PTGER3: variants seen among roughly 807,000 people sequenced by gnomAD.
PTGER3 encodes the protein prostaglandin E receptor 3.
PTGER3 carries 22 observed loss-of-function variants against 34.7 expected under a neutral mutation model. The ratio of observed to expected loss-of-function variants is 0.63; its 90% CI spans 0.45 to 0.91. The LOEUF (loss-of-function observed/expected upper bound fraction) is 0.91. Among genes scored for constraint, PTGER3 ranks in the 40% least tolerant of loss-of-function variants. The pLI, the probability that PTGER3 is intolerant of heterozygous loss-of-function variation, is 0.00. For missense variants in PTGER3, 468 were observed against 519.4 expected (o/e 0.90, Z 0.96); for synonymous variants, 241 against 230.1 (o/e 1.05, Z -0.43).
intron 4 of PTGER3, among the ~76,000 whole-genome samples, chr1:70,894,373 C>T (rs993207386): frequency 3.5e-5 from 5 of 142,246 alleles, no homozygotes; most frequent in African/African-American, 1.3e-4. Flanking sequence ...AGTTTTGTGA[C>T]AATCATCATT....
chr1:70,903,074 C>T (rs574224914), intron 4 of PTGER3, among the ~76,000 whole-genome samples: 23 of 152,206 alleles, frequency 1.5e-4, no homozygotes, highest in East Asian at 5.8e-4. Flanking sequence ...AAGAAAGCAG[C>T]AGGAGATTTG....
chr1:70,880,731 C>T (rs190681620), intron 4 of PTGER3, among the ~76,000 whole-genome samples: 2 of 152,026 alleles, frequency 1.3e-5, no homozygotes, highest in East Asian at 1.9e-4. Flanking sequence ...AATATAGGCC[C>T]CTAAGTCTCT....
chr1:70,980,838 G>A (rs190186845), intron 2 of PTGER3, among the ~76,000 whole-genome samples: 31 of 152,182 alleles, frequency 2.0e-4, no homozygotes, highest in African/African-American at 5.8e-4. Context: ...ACTACAGGTC[G>A]CCTATTTTGT....
intron 4 of PTGER3, among the ~76,000 whole-genome samples, chr1:70,882,482 C>A (rs1278834880): frequency 6.6e-6 from 1 of 152,214 alleles, no homozygotes; most frequent in African/African-American, 2.4e-5. Context: ...GTAGTGAGCC[C>A]TGTCCAATGA....
At chr1:70,896,291 G>A (rs1250349968) in intron 4 of PTGER3, among the ~76,000 whole-genome samples, 1 of 152,134 alleles carries the variant, frequency 6.6e-6, no homozygotes, top group Non-Finnish European at 1.5e-5. Flanking sequence ...ACATTAGGGT[G>A]GGCCTTAATT....
At chr1:71,004,120 A>G (rs1656730002) in intron 2 of PTGER3, among the ~76,000 whole-genome samples, 1 of 152,210 alleles carries the variant, frequency 6.6e-6, no homozygotes, top group East Asian at 1.9e-4. Context: ...ACAACCTTGT[A>G]TGTTATATTC....
chr1:70,967,236 T>C (rs1037977601), downstream of PTGER3, among the ~76,000 whole-genome samples: 2 of 152,122 alleles, frequency 1.3e-5, no homozygotes, highest in Non-Finnish European at 2.9e-5. Context: ...ACTCACAGTG[T>C]GATATCACCT....
In PTGER3 at chr1:71,047,398, G is replaced by A. The variant is rs375010879; in HGVS notation, c.180C>T (p.Leu60=). Residue 60 remains leucine, a synonymous_variant, in exon 1 of 4, where the codon CTC becomes CTT. Transcript: ENST00000306666. ...CCAGTGCGTTGCCCACGAAACCAGTGAGCAGCATGGTGATCGGGAAGGCCA... is the reference window on the plus strand; with the variant it reads ...CCAGTGCGTTGCCCACGAAACCAGTAAGCAGCATGGTGATCGGGAAGGCCA... ...VSVAFPITML[L]TGFVGNALAM... 1.1e-5 allele frequency: 17 copies of A among 1,611,782 alleles called. No individual in the cohort carries two copies. Among genetic ancestry groups the A allele is most frequent in the Non-Finnish European group, 1.4e-5 (16 of 1,179,660 alleles).
At chr1:70,991,720 G>A (rs1055361245) in intron 2 of PTGER3, among the ~76,000 whole-genome samples, 1 of 152,076 alleles carries the variant, frequency 6.6e-6, no homozygotes, top group African/African-American at 2.4e-5. Flanking sequence ...CATCATTAAG[G>A]CTTAACTGTT....
chr1:71,010,194 A>C (rs1475802042), intron 2 of PTGER3: 1 of 984,726 alleles, frequency 1.0e-6, no homozygotes, highest in Admixed American at 6.2e-5. Context: ...AGTAATGTCC[A>C]CTATCATTTG....
intron 2 of PTGER3, among the ~76,000 whole-genome samples, chr1:71,001,699 T>C (rs1445149462): frequency 6.6e-6 from 1 of 152,138 alleles, no homozygotes; most frequent in Non-Finnish European, 1.5e-5. Context: ...AGATACCACA[T>C]AGAAATATCA....
chr1:71,047,226 G>T lies in PTGER3; in HGVS notation c.352C>A (p.Gln118Lys), dbSNP rs747542088. Residue 118 changes from glutamine (Q) to lysine (K), a missense_variant, in exon 1 of 4, where the codon CAG (glutamine) becomes AAG (lysine). Transcript: ENST00000306666. ...GACGGGTCGATGTGCTCCCAACGCTGCTTGGACAGGTACACGACGATGACG... is the reference window on the plus strand; with the variant it reads ...GACGGGTCGATGTGCTCCCAACGCTTCTTGGACAGGTACACGACGATGACG... ...PVVIVVYLSKQRWEHIDPSGR... is the reference protein window; with the variant it reads ...PVVIVVYLSKKRWEHIDPSGR... 1.9e-6 allele frequency: 3 copies of T among 1,596,896 alleles called. No individual in the cohort carries two copies. The highest frequency in any genetic ancestry group is 4.5e-5 in the East Asian group (2 of 44,082).
At chr1:70,873,874 G>T (rs1046199340) in intron 4 of PTGER3, among the ~76,000 whole-genome samples, 1 of 151,920 alleles carries the variant, frequency 6.6e-6, no homozygotes, top group African/African-American at 2.4e-5. Flanking sequence ...GGGTTTTGGT[G>T]CTTTTAAAAT....
intron 4 of PTGER3, among the ~76,000 whole-genome samples, chr1:70,930,833 G>A (rs987424847): frequency 2.0e-5 from 3 of 152,078 alleles, no homozygotes; most frequent in Admixed American, 2.0e-4. Context: ...TGGGGACAGA[G>A]CCAAACCATA....
intron 4 of PTGER3, among the ~76,000 whole-genome samples, chr1:70,881,159 A>G (rs958775809): frequency 2.6e-5 from 4 of 152,132 alleles, no homozygotes; most frequent in African/African-American, 4.8e-5. Context: ...CAGAGAAGCA[A>G]TCTCTCAAGC....
intron 4 of PTGER3, among the ~76,000 whole-genome samples, chr1:70,905,861 G>A: frequency 6.6e-6 from 1 of 152,086 alleles, no homozygotes; most frequent in East Asian, 1.9e-4. Flanking sequence ...TTTGGGAGGG[G>A]CCAGGAGTGG....
At chr1:70,866,846 G>A (rs1402705441) in intron 4 of PTGER3, among the ~76,000 whole-genome samples, 1 of 152,106 alleles carries the variant, frequency 6.6e-6, no homozygotes, top group Non-Finnish European at 1.5e-5. Flanking sequence ...GCGGGATAGG[G>A]GGTGCATGCT....
intron 2 of PTGER3, chr1:71,011,333 G>A (rs1444429643): frequency 1.0e-6 from 1 of 985,162 alleles, no homozygotes. Context: ...ATATTTATTT[G>A]TTTTGGAATC....
intron 2 of PTGER3, among the ~76,000 whole-genome samples, chr1:70,980,062 T>G (rs1654108766): frequency 6.6e-6 from 1 of 151,862 alleles, no homozygotes; most frequent in African/African-American, 2.4e-5. Context: ...TGAGGTTTCA[T>G]AAGGAAGTGC....
Sources: gnomAD v4.1 joint callset for allele counts (sites outside exome capture counted in the v4.1 genomes callset) on GRCh38, gnomAD v4.1.1 for gene constraint, MANE v1.5 for transcripts, NCBI Gene and HGNC (gene_info 2026-07-23, HGNC 2026-07-21) for gene names.